LRRN3: variants seen among roughly 807,000 people sequenced by gnomAD.
LRRN3 encodes leucine-rich repeat neuronal protein 3.
LRRN3 carries 15 observed loss-of-function variants against 40.1 expected under a neutral mutation model. The ratio of observed to expected loss-of-function variants is 0.37; its 90% CI spans 0.25 to 0.58. The LOEUF (loss-of-function observed/expected upper bound fraction) is 0.58, where lower values mean the gene tolerates loss of function less well. LRRN3 is among the 20% of genes least tolerant of loss of function. The pLI is 0.72. For synonymous variants in LRRN3, 308 were observed against 297.2 expected, an observed-to-expected ratio of 1.04 and a Z score of -0.37; for missense variants, 746 against 837.7, an observed-to-expected ratio of 0.89 and a Z score of 1.35.
At chr7:111,108,039 T>G (rs1798746679) in intron 2 of LRRN3, among the ~76,000 whole-genome samples, 1 of 152,154 alleles carries the variant, frequency 6.6e-6, no homozygotes, top group South Asian at 2.1e-4. Flanking sequence ...TACAATACTG[T>G]TTTTGTTTTT....
intron 2 of LRRN3, among the ~76,000 whole-genome samples, chr7:111,121,791 C>T (rs1166949170): frequency 6.6e-6 from 1 of 152,124 alleles, no homozygotes; most frequent in Non-Finnish European, 1.5e-5. Flanking sequence ...ATGTTTATTG[C>T]AGCAGTATTC....
At chr7:111,103,870 G>A (rs981780256) in intron 2 of LRRN3, among the ~76,000 whole-genome samples, 3 of 151,564 alleles carry the variant, frequency 2.0e-5, no homozygotes, top group Non-Finnish European at 4.4e-5. Context: ...CAGAAAGAAC[G>A]AGAGTCCATG....
At chr7:111,115,516 C>T (rs566345829) in intron 2 of LRRN3, among the ~76,000 whole-genome samples, 1 of 152,050 alleles carries the variant, frequency 6.6e-6, no homozygotes, top group South Asian at 2.1e-4. Context: ...GATTTCATCC[C>T]CCCCTCTGTA....
intron 1 of LRRN3, among the ~76,000 whole-genome samples, chr7:111,098,283 G>A (rs1388309276): frequency 6.6e-6 from 1 of 151,680 alleles, no homozygotes; most frequent in Non-Finnish European, 1.5e-5. Context: ...AAACACCACA[G>A]TTGTTGAAAG....
At chr7:111,107,723 G>T (rs576465775) in intron 2 of LRRN3, among the ~76,000 whole-genome samples, 153 of 152,156 alleles carry the variant, frequency 1.0e-3, no homozygotes, top group African/African-American at 3.6e-3. Context: ...TGTTATTTCA[G>T]ATCTAGTGAG....
At chr7:111,105,214 A>G (rs1798412639) in intron 2 of LRRN3, among the ~76,000 whole-genome samples, 1 of 151,952 alleles carries the variant, frequency 6.6e-6, no homozygotes, top group Admixed American at 6.6e-5. Flanking sequence ...CATGAAATAA[A>G]GAATTCTTAT....
In LRRN3 at chr7:111,096,694, G is replaced by A. The variant is rs1226370266; in HGVS notation, c.-440-3187G>A. ...AGTAAATTATTTAGGGATTTTCCAG[G>A]TTACTAAAAATTATGAACAAAGTCT... On this transcript the variant is annotated intron_variant, in intron 1 of 2. Coordinates refer to ENST00000308478, the MANE Select transcript of LRRN3 (RefSeq NM_001099658.2). Among the ~76,000 whole-genome samples, 6 of 151,678 alleles carry A rather than the reference G, an allele frequency of 4.0e-5. No homozygotes were observed. In the Admixed American group the frequency reaches 4.0e-4, roughly 10 times the overall value.
intron 2 of LRRN3, among the ~76,000 whole-genome samples, chr7:111,105,576 G>T (rs932436825): frequency 6.6e-6 from 1 of 150,736 alleles, no homozygotes; most frequent in African/African-American, 2.5e-5. Context: ...TAGCTGGCTG[G>T]GGGGAAAACA....
intron 2 of LRRN3, among the ~76,000 whole-genome samples, chr7:111,101,493 T>G (rs1007202165): frequency 2.0e-5 from 3 of 151,520 alleles, no homozygotes; most frequent in African/African-American, 7.3e-5. Flanking sequence ...TGGGTTAAGA[T>G]TCAAGTCTTT....
At chr7:111,112,138 G>C (rs1446227539) in intron 2 of LRRN3, among the ~76,000 whole-genome samples, 1 of 151,570 alleles carries the variant, frequency 6.6e-6, no homozygotes, top group Non-Finnish European at 1.5e-5. Flanking sequence ...AGTAGAGACG[G>C]AGTATTTTTA....
intron 2 of LRRN3, among the ~76,000 whole-genome samples, chr7:111,120,799 C>G (rs1372709288): frequency 2.0e-5 from 3 of 152,082 alleles, no homozygotes; most frequent in Non-Finnish European, 4.4e-5. Flanking sequence ...ACCACTACAT[C>G]TAGCTTACTT....
At position 111,122,750 on chromosome 7, in the gene LRRN3, C is replaced by A; in HGVS notation, c.-23C>A. ...CTGTGGAATCCTTAAGGGCCCATTA[C>A]ATTTCTGAAGAAGAAAGCTAAGATG... On this transcript the variant is annotated 5_prime_UTR_variant, in exon 3 of 3. Coordinates refer to ENST00000308478, the MANE Select transcript of LRRN3 (RefSeq NM_001099658.2). The A allele has an allele frequency of 6.3e-7, 1 of 1,589,944 alleles. No homozygotes were observed. Among genetic ancestry groups the A allele is most frequent in the South Asian group, 1.1e-5 (1 of 87,102 alleles).
In LRRN3 at chr7:111,123,210, T is replaced by C. The variant is rs567710418; in HGVS notation, c.438T>C (p.Tyr146=). 30 of 1,613,978 alleles carry C rather than the reference T, an allele frequency of 1.9e-5. No individual in the cohort carries two copies. Among genetic ancestry groups the C allele is most frequent in the Middle Eastern group, 3.3e-4 (2 of 6,058 alleles). Residue 146 remains tyrosine (Y), a synonymous_variant, in exon 3 of 3, where the codon TAT becomes TAC. Transcript: ENST00000308478. This position sits in a 1 kb window ranked among gnomAD's most constrained non-coding sequence, Gnocchi z 6.4. ...LSELSNLQEL[Y]INHNLLSTIS... is the part of the protein sequence containing the mutation. ...AACTGAGCAACTTACAAGAACTCTA[T>C]ATTAATCACAACTTGCTTTCTACAA...
At chr7:111,107,514 T>C (rs1367616752) in intron 2 of LRRN3, among the ~76,000 whole-genome samples, 4 of 152,094 alleles carry the variant, frequency 2.6e-5, no homozygotes, top group Non-Finnish European at 5.9e-5. Context: ...TATAAGCATG[T>C]TGAAGAAGGG....
intron 2 of LRRN3, among the ~76,000 whole-genome samples, chr7:111,119,290 G>T (rs1188004062): frequency 6.6e-6 from 1 of 152,128 alleles, no homozygotes; most frequent in East Asian, 1.9e-4. Flanking sequence ...TTTATTCGGA[G>T]GGGTATATGC....
rs1801179116 is a variant in LRRN3, at chr7:111,125,302, T to C, written c.*403T>C. On this transcript the variant is annotated 3_prime_UTR_variant, in exon 3 of 3. Coordinates refer to ENST00000308478, the MANE Select transcript of LRRN3 (RefSeq NM_001099658.2). The stretch of plus-strand genomic sequence containing the variant: ...GAGTTTTTGCAGTGACCAGATAAAC[T>C]TGAATTGACACGTGGTGTAATAAAA... 5.8e-6 allele frequency: 1 copy of C among 172,358 alleles called. No homozygotes were observed. The highest frequency in any genetic ancestry group is 2.4e-5 in the African/African-American group (1 of 41,574). The allele number at this position is 172,358 out of a possible 1,614,324, so 10.7% of individuals were successfully genotyped here. A position where few individuals can be genotyped will look rare whatever the true frequency, so the allele number is the denominator to read the frequency against.
intron 1 of LRRN3, 45 bp from the exon 2 acceptor site, chr7:111,099,836 A>T (rs1439073806): frequency 6.6e-6 from 1 of 151,762 alleles, no homozygotes; most frequent in African/African-American, 2.4e-5. Context: ...ATTTAAAATT[A>T]AACTTTTGGG....
At chr7:111,098,492 A>G (rs1435964514) in intron 1 of LRRN3, among the ~76,000 whole-genome samples, 1 of 151,786 alleles carries the variant, frequency 6.6e-6, no homozygotes, top group Non-Finnish European at 1.5e-5. Context: ...AATTAAAACA[A>G]ATGTTCTGAC....
At position 111,124,265 on chromosome 7, in the gene LRRN3, C is replaced by T; in HGVS notation, c.1493C>T (p.Ala498Val). ...PKEGGLYTCI[A>V]TNLVGADLKS... The stretch of plus-strand genomic sequence containing the variant: ...GAAGGGGGTTTATATACTTGTATAG[C>T]AACTAACCTAGTTGGCGCTGACTTG... The change falls in exon 3 of 3, where the codon GCA becomes GTA. Residue 498 changes from alanine to valine, a missense_variant. Coordinates refer to ENST00000308478, the MANE Select transcript of LRRN3 (RefSeq NM_001099658.2). The T allele has an allele frequency of 6.2e-7, 1 of 1,613,952 alleles. No individual in the cohort carries two copies. Among genetic ancestry groups the T allele is most frequent in the Non-Finnish European group, 8.5e-7 (1 of 1,179,966 alleles).
Sources: allele counts gnomAD v4.1 joint callset (sites outside exome capture counted in the v4.1 genomes callset), GRCh38; gene constraint gnomAD v4.1.1; non-coding constraint Gnocchi (gnomAD v3.1); transcripts MANE v1.5; gene names NCBI Gene and HGNC (gene_info 2026-07-23, HGNC 2026-07-21).